The following USP47 variants were observed in gnomAD, a reference collection of about 807,000 sequenced individuals.
The protein encoded by USP47 is ubiquitin specific peptidase 47.
In USP47, 35 loss-of-function variants were observed where a neutral mutation model predicts 165.1. The observed-to-expected ratio is 0.21, with a 90% CI of 0.16 to 0.28. The LOEUF (loss-of-function observed/expected upper bound fraction) is 0.28, where lower values mean the gene tolerates loss of function less well. Ranked by LOEUF, USP47 falls within the 10% of genes least tolerant of loss-of-function variation. The pLI is 1.00. For missense variants in USP47, 1,277 were observed against 1,607.4 expected, an observed-to-expected ratio of 0.79 and a Z score of 3.52; for synonymous variants, 531 against 544.5, an observed-to-expected ratio of 0.98 and a Z score of 0.35.
chr11:11,872,817 A>G (rs1850155089), intron 1 of USP47, among the ~76,000 whole-genome samples: 1 of 152,254 alleles, frequency 6.6e-6, no homozygotes. Context: ...AGGAAAAATT[A>G]TACAAACAAG....
chr11:11,861,351 C>T (rs1464987185), intron 1 of USP47, among the ~76,000 whole-genome samples: 2 of 152,172 alleles, frequency 1.3e-5, no homozygotes, highest in Admixed American at 6.6e-5. Context: ...CTGCCTTGGC[C>T]TCTGAAAGTG....
At chr11:11,934,988 C>G (rs1854949956) in intron 16 of USP47, among the ~76,000 whole-genome samples, 1 of 152,044 alleles carries the variant, frequency 6.6e-6, no homozygotes, top group South Asian at 2.1e-4. Flanking sequence ...AAAGTGTGAT[C>G]CAGTGCAATC....
chr11:11,889,303 C>G (rs754684966), intron 3 of USP47, among the ~76,000 whole-genome samples: 2 of 152,056 alleles, frequency 1.3e-5, no homozygotes, highest in African/African-American at 2.4e-5. Context: ...TAGAAAACCC[C>G]ATCGTCTTAT....
rs1847464656 is a variant in USP47, at chr11:11,961,805, A to C, written c.*5630A>C. Reference sequence around the variant, plus strand: ...GCTGTTGAGCAGTTTACCTGACGGCATCTGCCATGGCTTGGCAGGAACTCT... The same window carrying C: ...GCTGTTGAGCAGTTTACCTGACGGCCTCTGCCATGGCTTGGCAGGAACTCT... On this transcript the variant is annotated 3_prime_UTR_variant, in exon 28 of 28. Coordinates refer to ENST00000527733, the MANE Select transcript of USP47 (RefSeq NM_001282659.2). 6.6e-6 allele frequency among the ~76,000 whole-genome samples: 1 copy of C among 152,256 alleles called. No individual in the cohort carries two copies. The highest frequency in any genetic ancestry group is 2.4e-5 in the African/African-American group (1 of 41,468).
chr11:11,853,538 A>G (rs1590225661), intron 1 of USP47, among the ~76,000 whole-genome samples: 1 of 152,210 alleles, frequency 6.6e-6, no homozygotes, highest in East Asian at 1.9e-4. Context: ...TTTTACTGGT[A>G]TAGTGTAAGA....
intron 1 of USP47, among the ~76,000 whole-genome samples, chr11:11,863,444 A>G (rs543874000): frequency 3.3e-5 from 5 of 152,368 alleles, no homozygotes; most frequent in African/African-American, 4.8e-5. Context: ...TTTAAAAAAT[A>G]TGATCAGACT....
At chr11:11,903,811 A>T (rs1410141717) in intron 7 of USP47, among the ~76,000 whole-genome samples, 1 of 152,190 alleles carries the variant, frequency 6.6e-6, no homozygotes, top group African/African-American at 2.4e-5. Context: ...TGTAATGGAA[A>T]GAGGAGCAGG....
chr11:11,956,245 T>C lies in USP47; in HGVS notation c.*70T>C. The C allele has an allele frequency of 2.5e-6, 4 of 1,575,618 alleles. No homozygotes were observed. The highest frequency in any genetic ancestry group is 3.5e-6 in the Non-Finnish European group (4 of 1,153,484). ...TAGATGGTTCACTACCACTGGGTAG[T>C]GCCATTTTGGCCGGACATGGTTGGG... On this transcript the variant is annotated 3_prime_UTR_variant, in exon 28 of 28. Coordinates refer to ENST00000527733, the MANE Select transcript of USP47 (RefSeq NM_001282659.2).
At chr11:11,919,122 T>A (rs982789900) in intron 8 of USP47, among the ~76,000 whole-genome samples, 3 of 151,810 alleles carry the variant, frequency 2.0e-5, no homozygotes, top group African/African-American at 7.3e-5. Context: ...AATATCTATG[T>A]CTTTTCTTAT....
intron 10 of USP47, 124 bp from the exon 11 acceptor site, chr11:11,922,600 A>C (rs947032505): frequency 1.5e-5 from 11 of 711,326 alleles, no homozygotes; most frequent in Non-Finnish European, 2.2e-5. Flanking sequence ...ATGTACTCAA[A>C]GTAAAATATT....
intron 11 of USP47, among the ~76,000 whole-genome samples, chr11:11,924,187 G>A (rs1854071517): frequency 6.6e-6 from 1 of 152,020 alleles, no homozygotes; most frequent in Non-Finnish European, 1.5e-5. Flanking sequence ...TCATGAATAG[G>A]TATTGGATTT....
rs538261781 is a variant in USP47 at position 11,897,836 on chromosome 11, A to G, written c.593+143A>G. 4.2e-5 allele frequency: 24 copies of G among 577,192 alleles called. No homozygotes were observed. The African/African-American group carries it at 4.3e-4, about 10-fold the overall frequency. 35.8% of individuals were successfully genotyped at this position (577,192 alleles called of 1,614,324 possible). A position where few individuals can be genotyped will look rare whatever the true frequency, so the allele number is the denominator to read the frequency against. On this transcript the variant is annotated intron_variant, in intron 5 of 27. Coordinates refer to ENST00000527733, the MANE Select transcript of USP47 (RefSeq NM_001282659.2). ...ATATAACTTCTTTCCTTACGTAATA[A>G]CAAAGATCTTGTGAAAAACAGGTAT...
chr11:11,906,612 G>A (rs1181399798), intron 8 of USP47, among the ~76,000 whole-genome samples: 1 of 152,112 alleles, frequency 6.6e-6, no homozygotes, highest in African/African-American at 2.4e-5. Context: ...GGTAGCGTAA[G>A]ATCAAGTCTC....
intron 2 of USP47, among the ~76,000 whole-genome samples, chr11:11,883,473 A>C (rs751645282): frequency 1.8e-4 from 27 of 152,204 alleles, no homozygotes; most frequent in Admixed American, 4.6e-4. Flanking sequence ...TAAGTAGCAG[A>C]ATCTCTTACA....
intron 1 of USP47, among the ~76,000 whole-genome samples, chr11:11,877,073 A>G (rs959947788): frequency 3.9e-5 from 6 of 152,142 alleles, no homozygotes; most frequent in African/African-American, 7.2e-5. Flanking sequence ...ACCTTTTTAC[A>G]TTTAAATGTT....
chr11:11,902,054 T>A (rs1054596933), intron 5 of USP47, among the ~76,000 whole-genome samples: 2 of 152,124 alleles, frequency 1.3e-5, no homozygotes, highest in Non-Finnish European at 2.9e-5. Context: ...ATAGTCAATC[T>A]TTTTTGTCTA....
intron 3 of USP47, among the ~76,000 whole-genome samples, chr11:11,890,207 T>C (rs1851424540): frequency 6.6e-6 from 1 of 152,186 alleles, no homozygotes; most frequent in African/African-American, 2.4e-5. Flanking sequence ...CAAATGGATC[T>C]AATTAAACTA....
chr11:11,849,426 A>C (rs1848606813), intron 1 of USP47, among the ~76,000 whole-genome samples: 1 of 152,176 alleles, frequency 6.6e-6, no homozygotes, highest in South Asian at 2.1e-4. Flanking sequence ...AGTGGGTAGA[A>C]GCCAGGTATG....
chr11:11,908,828 C>T (rs924380704), intron 8 of USP47, among the ~76,000 whole-genome samples: 5 of 152,154 alleles, frequency 3.3e-5, no homozygotes, highest in Non-Finnish European at 7.4e-5. Context: ...TTCTGCCATT[C>T]TGTATATCTC....
Sources: gnomAD v4.1 joint callset for allele counts (sites outside exome capture counted in the v4.1 genomes callset) on GRCh38, gnomAD v4.1.1 for gene constraint, MANE v1.5 for transcripts, NCBI Gene and HGNC (gene_info 2026-07-23, HGNC 2026-07-21) for gene names.